Variants in CCDC34 observed in about 807,000 individuals in gnomAD.
CCDC34 encodes the protein coiled-coil domain containing 34, also known as coiled-coil domain-containing protein 34.
CCDC34 carries 40 observed loss-of-function variants against 44.1 expected under a neutral mutation model. The ratio of observed to expected loss-of-function variants is 0.91; its 90% CI spans 0.70 to 1.18. The LOEUF is 1.18. Among genes scored for constraint, CCDC34 ranks in the 50% most tolerant of loss-of-function variants. The pLI, the probability that CCDC34 is intolerant of heterozygous loss-of-function variation, is 0.00. For missense variants in CCDC34, 466 were observed against 452.3 expected (o/e 1.03, Z -0.28); for synonymous variants, 159 against 158.2 (o/e 1.01, Z -0.04).
rs373618930 is a variant in CCDC34, at chr11:27,348,964, C to T, written c.606+1368G>A. The stretch of plus-strand genomic sequence containing the variant: ...GATTTATGTCAGGGCAAGCCACTTC[C>T]CTCCAAAAGAAATAATTTTTTTTTT... On this transcript the variant is annotated intron_variant, in intron 3 of 5. Coordinates refer to ENST00000328697, the MANE Select transcript of CCDC34 (RefSeq NM_030771.2). 92 of 985,046 alleles carry T rather than the reference C, an allele frequency of 9.3e-5. No homozygotes were observed. In the African/African-American group the frequency reaches 1.5e-3, roughly 16 times the overall value. The allele number at this position is 985,046 out of a possible 1,614,324, so 61.0% of individuals were successfully genotyped here.
chr11:27,339,985 G>A (rs1433303232), intron 5 of CCDC34, among the ~76,000 whole-genome samples: 2 of 151,364 alleles, frequency 1.3e-5, no homozygotes, highest in Non-Finnish European at 2.9e-5. Flanking sequence ...GATGACCTTC[G>A]TGACATATGA....
intron 2 of CCDC34, among the ~76,000 whole-genome samples, chr11:27,356,265 C>T (rs184183485): frequency 6.6e-6 from 1 of 151,824 alleles, no homozygotes; most frequent in Non-Finnish European, 1.5e-5. Context: ...ATCCACCTGC[C>T]TCGGCCTCCC....
At chr11:27,343,149 C>T (rs1476996771) in intron 3 of CCDC34, among the ~76,000 whole-genome samples, 1 of 152,082 alleles carries the variant, frequency 6.6e-6, no homozygotes, top group Admixed American at 6.5e-5. Context: ...GCCTGTAATC[C>T]CAGCACTTTG....
intron 5 of CCDC34, among the ~76,000 whole-genome samples, chr11:27,340,492 C>T (rs902435031): frequency 6.6e-6 from 1 of 152,192 alleles, no homozygotes; most frequent in Admixed American, 6.5e-5. Flanking sequence ...TTTGTAACTA[C>T]TGCTTTTAAG....
At chr11:27,353,479 A>C (rs1862532198) in intron 2 of CCDC34, among the ~76,000 whole-genome samples, 1 of 152,078 alleles carries the variant, frequency 6.6e-6, no homozygotes, top group South Asian at 2.1e-4. Flanking sequence ...AATAATTAAA[A>C]AGTAAATAAA....
intron 3 of CCDC34, among the ~76,000 whole-genome samples, chr11:27,344,455 GTTAC>G (rs1307929833): frequency 1.3e-5 from 2 of 151,824 alleles, no homozygotes; most frequent in African/African-American, 4.8e-5. Flanking sequence ...GCTATAACAT[GTTAC>G]TTGTGTTATA....
intron 3 of CCDC34, among the ~76,000 whole-genome samples, chr11:27,345,264 T>G (rs909067702): frequency 6.6e-6 from 1 of 152,152 alleles, no homozygotes; most frequent in Non-Finnish European, 1.5e-5. Context: ...TACCCTCTTG[T>G]GGTGGGCAAA....
intron 2 of CCDC34, among the ~76,000 whole-genome samples, chr11:27,353,506 A>T (rs1437846961): frequency 6.6e-6 from 1 of 152,104 alleles, no homozygotes; most frequent in African/African-American, 2.4e-5. Flanking sequence ...ATGACCTATA[A>T]AACCAATATA....
intron 1 of CCDC34, among the ~76,000 whole-genome samples, chr11:27,361,218 G>A (rs1862658892): frequency 6.6e-6 from 1 of 152,188 alleles, no homozygotes. Context: ...GCCCTGTGGT[G>A]CTACCAGCTC....
At chr11:27,344,954 C>T (rs1862412178) in intron 3 of CCDC34, among the ~76,000 whole-genome samples, 1 of 152,044 alleles carries the variant, frequency 6.6e-6, no homozygotes, top group African/African-American at 2.4e-5. Context: ...AAATTCAGAA[C>T]TATAAAACTA....
intron 5 of CCDC34, 22 bp downstream of exon 5, chr11:27,340,674 G>A (rs762660362): frequency 6.3e-7 from 1 of 1,591,352 alleles, no homozygotes; most frequent in East Asian, 2.3e-5. Flanking sequence ...ATTTATGTAA[G>A]CCACACAACA....
chr11:27,355,474 A>G (rs948196712), intron 2 of CCDC34, among the ~76,000 whole-genome samples: 4 of 152,200 alleles, frequency 2.6e-5, no homozygotes, highest in African/African-American at 9.7e-5. Flanking sequence ...GAATTCAAAA[A>G]TACACCCCAA....
chr11:27,348,859 G>T, intron 3 of CCDC34: 1 of 963,854 alleles, frequency 1.0e-6, no homozygotes, highest in Non-Finnish European at 1.2e-6. Context: ...CAAGAGTTCT[G>T]CAGAACAGGT....
chr11:27,347,878 C>T (rs1862454912), intron 3 of CCDC34, among the ~76,000 whole-genome samples: 2 of 151,956 alleles, frequency 1.3e-5, no homozygotes, highest in African/African-American at 4.8e-5. Flanking sequence ...TTATTGTATG[C>T]AAACTACAGC....
chr11:27,343,594 G>A (rs1206871498), intron 3 of CCDC34, among the ~76,000 whole-genome samples: 1 of 152,110 alleles, frequency 6.6e-6, no homozygotes, highest in Non-Finnish European at 1.5e-5. Context: ...AAAGGACCTT[G>A]GAGTACATCT....
At chr11:27,351,844 C>T (rs1261760069) in intron 2 of CCDC34, among the ~76,000 whole-genome samples, 1 of 151,910 alleles carries the variant, frequency 6.6e-6, no homozygotes, top group Non-Finnish European at 1.5e-5. Context: ...AAGATGGCTT[C>T]GAAAGGAGAG....
At chr11:27,343,420 C>G (rs1180978996) in intron 3 of CCDC34, among the ~76,000 whole-genome samples, 1 of 145,506 alleles carries the variant, frequency 6.9e-6, no homozygotes, top group Non-Finnish European at 1.5e-5. Flanking sequence ...AAAAAAAAAT[C>G]AAAGCTCAAG....
intron 1 of CCDC34, among the ~76,000 whole-genome samples, chr11:27,362,296 T>C (rs1026591878): frequency 6.6e-6 from 1 of 152,228 alleles, no homozygotes; most frequent in African/African-American, 2.4e-5. Context: ...CATTCCTCTG[T>C]GCATGCTCAG....
Position 27,345,499 on chromosome 11 carries a change from T to C in CCDC34, c.607-3949A>G, listed in dbSNP as rs183259349. On this transcript the variant is annotated intron_variant, in intron 3 of 5. Coordinates refer to ENST00000328697, the MANE Select transcript of CCDC34 (RefSeq NM_030771.2). Reference sequence around the variant, plus strand: ...CCCTTCCTGTGTCCATGTGTTCTCATTGTTCAGTTCCCACCTATGAGTGAG... The same window carrying C: ...CCCTTCCTGTGTCCATGTGTTCTCACTGTTCAGTTCCCACCTATGAGTGAG... Among the ~76,000 whole-genome samples, 616 of 152,282 alleles carry C rather than the reference T, an allele frequency of 4.0e-3. 3 individuals carry two copies. Among genetic ancestry groups the C allele is most frequent in the Non-Finnish European group, 6.2e-3 (425 of 68,028 alleles).
Sources: allele counts gnomAD v4.1 joint callset (sites outside exome capture counted in the v4.1 genomes callset), GRCh38; gene constraint gnomAD v4.1.1; transcripts MANE v1.5; gene names NCBI Gene and HGNC (gene_info 2026-07-23, HGNC 2026-07-21).